The following BPTF variants were observed in gnomAD, a reference collection of about 807,000 sequenced individuals.
BPTF encodes the protein nucleosome-remodeling factor subunit BPTF.
BPTF carries 18 observed loss-of-function variants against 292.5 expected under a neutral mutation model. The ratio of observed to expected loss-of-function variants is 0.06; its 90% CI spans 0.04 to 0.09. BPTF has a LOEUF of 0.09. Among genes scored for constraint, BPTF ranks in the 10% least tolerant of loss-of-function variants. BPTF has a pLI of 1.00. For missense variants in BPTF, 2,726 were observed against 3,498.7 expected (o/e 0.78, Z 5.57); for synonymous variants, 1,225 against 1,251.9 (o/e 0.98, Z 0.45).
chr17:67,864,348 G>A (rs1392816256), intron 2 of BPTF, among the ~76,000 whole-genome samples: 2 of 151,904 alleles, frequency 1.3e-5, no homozygotes, highest in African/African-American at 2.4e-5. Flanking sequence ...CCAACATGGC[G>A]AAACCCTGTC....
In BPTF at chr17:67,911,264, A is replaced by G; in HGVS notation, c.3380A>G (p.Asn1127Ser). Reference sequence around the variant, plus strand: ...TCGATGAGACAAGAACAGAGCCCAAATGCAAATAATGATCAACCTGAGGAC... The same window carrying G: ...TCGATGAGACAAGAACAGAGCCCAAGTGCAAATAATGATCAACCTGAGGAC... Reference protein sequence around the residue: ...SDSMRQEQSPNANNDQPEDLI... With the variant: ...SDSMRQEQSPSANNDQPEDLI... Residue 1127 changes from asparagine (N) to serine (S), a missense_variant, in exon 11 of 28, where the codon AAT (asparagine) becomes AGT (serine). Asn to Ser is a conservative substitution (Grantham distance 46). Transcript: ENST00000306378. 6.2e-7 allele frequency: 1 copy of G among 1,614,100 alleles called. No individual in the cohort carries two copies. Among genetic ancestry groups the G allele is most frequent in the East Asian group, 2.2e-5 (1 of 44,852 alleles).
In BPTF at chr17:67,825,671, C is replaced by A. The variant is rs966843484; in HGVS notation, c.-54C>A. ...GGCCCCGGCGCTCCCCACCGCCCCC[C>A]CTGCGCCCGCCCCTCCCCCTTCGCT... On this transcript the variant is annotated 5_prime_UTR_variant, in exon 1 of 28. Transcript: ENST00000306378. The A allele has an allele frequency of 6.0e-5, 29 of 483,446 alleles. No individual in the cohort carries two copies. Among genetic ancestry groups the A allele is most frequent in the Non-Finnish European group, 4.9e-5 (17 of 344,346 alleles). The allele number at this position is 483,446 out of a possible 1,614,324, so 29.9% of individuals were successfully genotyped here.
intron 23 of BPTF, among the ~76,000 whole-genome samples, chr17:67,952,455 G>T (rs564013225): frequency 6.6e-6 from 1 of 151,970 alleles, no homozygotes; most frequent in African/African-American, 2.4e-5. Flanking sequence ...TAGAGATGGG[G>T]TTTCACCATG....
intron 24 of BPTF, among the ~76,000 whole-genome samples, chr17:67,961,957 G>C (rs1330047430): frequency 1.3e-5 from 2 of 149,070 alleles, no homozygotes; most frequent in Non-Finnish European, 3.0e-5. Flanking sequence ...CTGGGAGACA[G>C]AGCAAAGCTC....
intron 2 of BPTF, among the ~76,000 whole-genome samples, chr17:67,864,283 T>C (rs2145393309): frequency 6.6e-6 from 1 of 152,084 alleles, no homozygotes. Flanking sequence ...CCCAGCACTT[T>C]GGGGAGGTTG....
At chr17:67,890,378 A>G (rs1043213141) in intron 4 of BPTF, among the ~76,000 whole-genome samples, 1 of 152,188 alleles carries the variant, frequency 6.6e-6, no homozygotes, top group Non-Finnish European at 1.5e-5. Context: ...GTTTGCTGTT[A>G]TCAACGGTTT....
chr17:67,835,990 G>T (rs2057103560), intron 1 of BPTF, among the ~76,000 whole-genome samples: 1 of 152,110 alleles, frequency 6.6e-6, no homozygotes. Flanking sequence ...TAAGCTAAAA[G>T]TTATATATAT....
rs1160367949 is a variant in BPTF, at chr17:67,876,641, A to G, written c.1864+1621A>G. ...ACCAACATGTTGAAACCCCGTGTCTACTGAAAATGCAAAAATTAGCTGGAC... is the reference window on the plus strand; with the variant it reads ...ACCAACATGTTGAAACCCCGTGTCTGCTGAAAATGCAAAAATTAGCTGGAC... On this transcript the variant is annotated intron_variant, in intron 4 of 27. Transcript: ENST00000306378. Among the ~76,000 whole-genome samples, 3 of 152,052 alleles carry G rather than the reference A, an allele frequency of 2.0e-5. 1 individual carries two copies. The highest frequency in any genetic ancestry group is 7.2e-5 in the African/African-American group (3 of 41,402).
intron 1 of BPTF, among the ~76,000 whole-genome samples, chr17:67,835,639 A>G (rs1428416987): frequency 6.6e-6 from 1 of 150,794 alleles, no homozygotes; most frequent in Non-Finnish European, 1.5e-5. Flanking sequence ...ACATGTGATT[A>G]GAAAATCTGC....
chr17:67,979,566 A>G (rs2070060881), intron 27 of BPTF, among the ~76,000 whole-genome samples: 1 of 152,108 alleles, frequency 6.6e-6, no homozygotes, highest in African/African-American at 2.4e-5. Context: ...AAATAATGAC[A>G]TTGGTTTTCG....
intron 1 of BPTF, among the ~76,000 whole-genome samples, chr17:67,851,914 G>A (rs892447505): frequency 7.4e-6 from 1 of 135,418 alleles, no homozygotes; most frequent in Non-Finnish European, 1.5e-5. Context: ...AGTGAGATTG[G>A]GGTCCTTTTT....
rs545803488 is a variant in BPTF at position 67,931,996 on chromosome 17, G to A, written c.6236G>A (p.Arg2079Gln). 53 of 1,613,644 alleles carry A rather than the reference G, an allele frequency of 3.3e-5. No individual in the cohort carries two copies. The Middle Eastern group carries it at 9.9e-4, about 30-fold the overall frequency. ...QQSTLGKAIIRTPVMVQPGAP... is the reference protein window; with the variant it reads ...QQSTLGKAIIQTPVMVQPGAP... ...TCAACACTAGGAAAGGCAATTATTC[G>A]AACACCTGTGATGGTACAGCCAGGT... The change falls in exon 18 of 28, where the codon CGA (arginine) becomes CAA (glutamine). Residue 2079 changes from arginine (R) to glutamine (Q), a missense_variant. Transcript: ENST00000306378.
chr17:67,828,119 A>G (rs763352060), intron 1 of BPTF, among the ~76,000 whole-genome samples: 43 of 151,812 alleles, frequency 2.8e-4, no homozygotes, highest in Non-Finnish European at 5.4e-4. Flanking sequence ...TTTAGTAGAG[A>G]TGGGGTTTCA....
chr17:67,971,336 C>T (rs1568217637), intron 26 of BPTF, among the ~76,000 whole-genome samples: 1 of 152,002 alleles, frequency 6.6e-6, no homozygotes, highest in Non-Finnish European at 1.5e-5. Flanking sequence ...GCCTTGCCCT[C>T]CCAAAGTGCT....
intron 1 of BPTF, among the ~76,000 whole-genome samples, chr17:67,840,191 T>G (rs897538697): frequency 1.3e-5 from 2 of 151,596 alleles, no homozygotes; most frequent in Non-Finnish European, 2.9e-5. Flanking sequence ...CAGCTTCCAC[T>G]TCCTAGCCTC....
chr17:67,913,169 C>T lies in BPTF; in HGVS notation c.5285C>T (p.Thr1762Ile). ...TGGCCATATCCTTCTCCTAGACCGA[C>T]CTTTGGCATCACTTGGAGGTATGTA... Reference protein sequence around the residue: ...DIWPYPSPRPTFGITWRYRLQ... With the variant: ...DIWPYPSPRPIFGITWRYRLQ... The change falls in exon 11 of 28, where the codon ACC becomes ATC. Residue 1762 changes from threonine (T) to isoleucine (I), a missense_variant. By Grantham distance (89) the Thr-to-Ile change is moderately conservative. This residue lies in a region of BPTF where 36 missense variants were observed against 34.7 expected (regional missense o/e 1.04). Coordinates refer to ENST00000306378, the MANE Select transcript of BPTF (RefSeq NM_182641.4). 1.9e-6 allele frequency: 3 copies of T among 1,601,784 alleles called. No individual in the cohort carries two copies. Among genetic ancestry groups the T allele is most frequent in the East Asian group, 2.2e-5 (1 of 44,792 alleles).
chr17:67,969,845 G>T (rs1009612988), intron 26 of BPTF, among the ~76,000 whole-genome samples: 30 of 152,016 alleles, frequency 2.0e-4, no homozygotes, highest in Admixed American at 1.9e-3. Flanking sequence ...AGAATCGCTT[G>T]AACCCAGGAG....
At position 67,962,669 on chromosome 17, in the gene BPTF, C is replaced by T. The variant is rs571759057; in HGVS notation, c.8262-1543C>T. Among the ~76,000 whole-genome samples, 20 of 152,326 alleles carry T rather than the reference C, an allele frequency of 1.3e-4. No individual in the cohort carries two copies. The East Asian group carries it at 3.7e-3, about 28-fold the overall frequency. ...CATTATATTAACAGGAAAACTGGCC[C>T]GTGCCATATTCCATTATGAGAGGTT... is the stretch of plus-strand genomic sequence containing the variant. On this transcript the variant is annotated intron_variant, in intron 24 of 27. Transcript: ENST00000306378.
At position 67,941,531 on chromosome 17, in the gene BPTF, C is replaced by T. The variant is rs572454189; in HGVS notation, c.6477+875C>T. On this transcript the variant is annotated intron_variant, in intron 19 of 27. Coordinates refer to ENST00000306378, the MANE Select transcript of BPTF (RefSeq NM_182641.4). ...ACAGACATAAGGAGAGGCAGATAGA[C>T]CAACAGAACAGTAGAGAGTGCAGAA... 9.9e-5 allele frequency among the ~76,000 whole-genome samples: 15 copies of T among 152,222 alleles called. 1 individual carries two copies. The South Asian group carries it at 3.1e-3, about 32-fold the overall frequency.
Sources: gnomAD v4.1 joint callset for allele counts (sites outside exome capture counted in the v4.1 genomes callset) on GRCh38, gnomAD v4.1.1 for gene constraint, gnomAD v4.1.1 regional missense constraint, MANE v1.5 for transcripts, NCBI Gene and HGNC (gene_info 2026-07-23, HGNC 2026-07-21) for gene names.